SIK3: variants seen among roughly 807,000 people sequenced by gnomAD.
SIK3 encodes SIK family kinase 3, also known as serine/threonine-protein kinase SIK3.
A neutral mutation model predicts 144.2 loss-of-function variants in SIK3; 28 were observed. The ratio of observed to expected loss-of-function variants is 0.19; its 90% CI spans 0.14 to 0.27. SIK3 has a LOEUF of 0.27. SIK3 is among the 10% of genes least tolerant of loss of function. The pLI, the probability that SIK3 is intolerant of heterozygous loss-of-function variation, is 1.00. For synonymous variants in SIK3, 686 were observed against 676.3 expected, an observed-to-expected ratio of 1.01 and a Z score of -0.22; for missense variants, 1,319 against 1,776.0, an observed-to-expected ratio of 0.74 and a Z score of 4.62.
At chr11:117,052,650 C>T (rs1953313069) in intron 1 of SIK3, among the ~76,000 whole-genome samples, 1 of 152,196 alleles carries the variant, frequency 6.6e-6, no homozygotes, top group Admixed American at 6.5e-5. Flanking sequence ...GCCTTTGTGG[C>T]CTTGGATTGT....
At chr11:117,078,699 G>A (rs573284874) in intron 1 of SIK3, among the ~76,000 whole-genome samples, 13 of 151,906 alleles carry the variant, frequency 8.6e-5, no homozygotes, top group South Asian at 4.2e-4. Context: ...CACCACACCC[G>A]GCCTGAGAAT....
At chr11:116,899,435 G>C (rs1448704863) in intron 4 of SIK3, among the ~76,000 whole-genome samples, 5 of 152,216 alleles carry the variant, frequency 3.3e-5, no homozygotes, top group Non-Finnish European at 5.9e-5. Flanking sequence ...TTTTGGCTTG[G>C]ACCCAGAATT....
Position 116,858,953 on chromosome 11 carries a change from G to A in SIK3, c.2766-254C>T, listed in dbSNP as rs570192359. Among the ~76,000 whole-genome samples the A allele has an allele frequency of 1.4e-3, 212 of 152,276 alleles. No individual in the cohort carries two copies. The highest frequency in any genetic ancestry group is 2.5e-3 in the Non-Finnish European group (173 of 68,010). On this transcript the variant is annotated intron_variant, in intron 20 of 24. Transcript: ENST00000445177. This position sits in a 1 kb window ranked among gnomAD's most constrained non-coding sequence, Gnocchi z 5.4. ...AGCAACTTCAAGATGCTCCCTTCAA[G>A]AAAAGGGGAACTGGAATTTTTATAC...
At position 116,847,612 on chromosome 11, in the gene SIK3, C is replaced by T; in HGVS notation, c.3820-4G>A. The stretch of plus-strand genomic sequence containing the variant: ...CTGGCAAGTTATCCAGCTGTACCTG[C>T]AGAAAACAGTTAAGAGAAGAAATAA... On this transcript the variant is annotated splice_polypyrimidine_tract_variant and splice_region_variant and intron_variant, in intron 22 of 24. Transcript: ENST00000445177. 6.2e-7 allele frequency: 1 copy of T among 1,614,146 alleles called. No individual in the cohort carries two copies. The highest frequency in any genetic ancestry group is 8.5e-7 in the Non-Finnish European group (1 of 1,180,026).
chr11:117,069,486 C>T (rs1954167646), intron 1 of SIK3, among the ~76,000 whole-genome samples: 1 of 152,080 alleles, frequency 6.6e-6, no homozygotes, highest in Non-Finnish European at 1.5e-5. Context: ...CATCAGATAC[C>T]CAGTCAATGT....
intron 1 of SIK3, among the ~76,000 whole-genome samples, chr11:116,981,294 A>G (rs1950132807): frequency 6.6e-6 from 1 of 152,232 alleles, no homozygotes; most frequent in African/African-American, 2.4e-5. Flanking sequence ...AGTACTGACC[A>G]TCAGCTGGAA....
chr11:116,964,747 G>T (rs1486200244), intron 1 of SIK3, among the ~76,000 whole-genome samples: 1 of 152,068 alleles, frequency 6.6e-6, no homozygotes, highest in Non-Finnish European at 1.5e-5. Flanking sequence ...CAGGTGTGGT[G>T]GTGGGCACCT....
At chr11:116,938,626 GA>G (rs1191465984) in intron 3 of SIK3, among the ~76,000 whole-genome samples, 261 of 21,998 alleles carry the variant, frequency 0.012, 23 homozygotes, top group African/African-American at 0.024. Context: ...GGGAGGGGAG[GA>G]GAGGAGAGGA....
intron 6 of SIK3, among the ~76,000 whole-genome samples, chr11:116,880,243 G>C (rs1382364531): frequency 6.6e-6 from 1 of 151,048 alleles, no homozygotes; most frequent in Admixed American, 6.6e-5. Flanking sequence ...TCAGGATCTT[G>C]AAACCTCTAT....
chr11:116,958,879 A>G (rs1306819826), intron 1 of SIK3, among the ~76,000 whole-genome samples: 1 of 152,214 alleles, frequency 6.6e-6, no homozygotes, highest in Non-Finnish European at 1.5e-5. Context: ...CTCTCAGGAC[A>G]GCTCCCAAAA....
chr11:116,945,281 G>C (rs924125681), intron 3 of SIK3, among the ~76,000 whole-genome samples: 1 of 151,900 alleles, frequency 6.6e-6, no homozygotes, highest in Non-Finnish European at 1.5e-5. Flanking sequence ...GTCGTGTTGG[G>C]CAGTGTAGTT....
intron 2 of SIK3, 61 bp downstream of exon 2, chr11:116,956,887 G>C: frequency 1.0e-6 from 1 of 995,920 alleles, no homozygotes; most frequent in Non-Finnish European, 1.4e-6. Flanking sequence ...TCTTCAAAGG[G>C]AGCCATACAT....
At chr11:116,975,739 G>A (rs1949926841) in intron 1 of SIK3, among the ~76,000 whole-genome samples, 1 of 152,148 alleles carries the variant, frequency 6.6e-6, no homozygotes, top group Admixed American at 6.5e-5. Context: ...GAATTGCTGG[G>A]TTATATGGTA....
At position 117,016,230 on chromosome 11, in the gene SIK3, GCAGGAGAATCGCTCGAACC is replaced by G. The variant is rs373236919; in HGVS notation, c.274-59185_274-59167del. 6.5e-4 allele frequency among the ~76,000 whole-genome samples: 98 copies of G among 151,688 alleles called. 5 individuals are homozygous for G. The East Asian group carries it at 0.017, about 26-fold the overall frequency. ...AATCCCAGCTACTCAGGAGGCTGAG[GCAGGAGAATCGCTCGAACC>G]CAGGAGGCGGCCCTTGCAGTGAGCC... On this transcript the variant is annotated intron_variant, in intron 1 of 24. Transcript: ENST00000445177.
At chr11:117,002,317 C>A (rs1950882502) in intron 1 of SIK3, among the ~76,000 whole-genome samples, 1 of 151,552 alleles carries the variant, frequency 6.6e-6, no homozygotes, top group Admixed American at 6.6e-5. Flanking sequence ...TTTAGCTCAT[C>A]AGCTATTGTT....
chr11:116,877,077 G>C, intron 6 of SIK3, 35 bp from the exon 7 acceptor site: 1 of 1,589,182 alleles, frequency 6.3e-7, no homozygotes, highest in Non-Finnish European at 8.6e-7. Flanking sequence ...TCAGTCTCTG[G>C]TGAGGGGAGG....
intron 1 of SIK3, among the ~76,000 whole-genome samples, chr11:117,022,158 C>T (rs1951806738): frequency 6.6e-6 from 1 of 151,844 alleles, no homozygotes; most frequent in African/African-American, 2.4e-5. Flanking sequence ...TTGGGTATGT[C>T]AAAATCTTTT....
chr11:117,040,401 T>C (rs144051035), intron 1 of SIK3, among the ~76,000 whole-genome samples: 33 of 152,350 alleles, frequency 2.2e-4, no homozygotes, highest in African/African-American at 7.5e-4. Flanking sequence ...ATAATGTTAC[T>C]AGGCAATAGC....
chr11:116,920,031 T>C (rs995499032), intron 4 of SIK3, among the ~76,000 whole-genome samples: 6 of 152,170 alleles, frequency 3.9e-5, no homozygotes, highest in Non-Finnish European at 7.3e-5. Flanking sequence ...GTCTCCATAC[T>C]GAATTGGATT....
Sources: allele counts gnomAD v4.1 joint callset (sites outside exome capture counted in the v4.1 genomes callset), GRCh38; gene constraint gnomAD v4.1.1; non-coding constraint Gnocchi (gnomAD v3.1); transcripts MANE v1.5; gene names NCBI Gene and HGNC (gene_info 2026-07-23, HGNC 2026-07-21).